The following FOXP1 variants were observed in gnomAD, a reference collection of about 807,000 sequenced individuals.
FOXP1 encodes the protein forkhead box protein P1.
Under a neutral mutation model 98.2 loss-of-function variants are expected in FOXP1, and 15 were observed. That is an observed-to-expected ratio of 0.15 (90% CI 0.10 to 0.24). FOXP1 has a LOEUF of 0.24. Among genes scored for constraint, FOXP1 ranks in the 10% least tolerant of loss-of-function variants. FOXP1 has a pLI of 1.00. For missense variants in FOXP1, 633 were observed against 848.5 expected, an observed-to-expected ratio of 0.75 and a Z score of 3.15; for synonymous variants, 371 against 314.5, an observed-to-expected ratio of 1.18 and a Z score of -1.90.
Position 71,390,598 on chromosome 3 carries a change from G to T in FOXP1, c.-167-31354C>A, listed in dbSNP as rs1019594872. Among the ~76,000 whole-genome samples the T allele has an allele frequency of 4.7e-5, 7 of 150,198 alleles. 1 individual carries two copies. The highest frequency in any genetic ancestry group is 1.3e-4 in the Admixed American group (2 of 15,040). On this transcript the variant is annotated intron_variant, in intron 3 of 20. Transcript: ENST00000649528. Reference sequence around the variant, plus strand: ...GTGGTGGGGAGGGGGGTTGGGGGGGGCAGTCAAGAATTCTATAGGAAGAGA... The same window carrying T: ...GTGGTGGGGAGGGGGGTTGGGGGGGTCAGTCAAGAATTCTATAGGAAGAGA...
At chr3:71,280,126 C>CAAAAAAAAAAA (rs56674677) in intron 5 of FOXP1, among the ~76,000 whole-genome samples, 4 of 106,198 alleles carry the variant, frequency 3.8e-5, no homozygotes, top group African/African-American at 7.0e-5. Flanking sequence ...CTGTCTCAAA[C>CAAAAAAAAAAA]AAAAAAAAAA....
chr3:71,466,913 TTTTG>T (rs2088817044), intron 3 of FOXP1, among the ~76,000 whole-genome samples: 1 of 152,148 alleles, frequency 6.6e-6, no homozygotes, highest in Non-Finnish European at 1.5e-5. Flanking sequence ...CTTGGATACG[TTTTG>T]TTTGTCTTTA....
intron 6 of FOXP1, among the ~76,000 whole-genome samples, chr3:71,134,664 C>T (rs2059732432): frequency 6.6e-6 from 1 of 152,176 alleles, no homozygotes; most frequent in Non-Finnish European, 1.5e-5. Context: ...AACAGAGAAG[C>T]ACGAAATAGC....
intron 2 of FOXP1, among the ~76,000 whole-genome samples, chr3:71,566,517 T>G (rs2046925634): frequency 6.6e-6 from 1 of 152,180 alleles, no homozygotes; most frequent in South Asian, 2.1e-4. Flanking sequence ...GTCCCTGTAG[T>G]GTGAAAATTA....
At chr3:71,117,706 A>C (rs1489636669) in intron 6 of FOXP1, among the ~76,000 whole-genome samples, 1 of 152,202 alleles carries the variant, frequency 6.6e-6, no homozygotes, top group Non-Finnish European at 1.5e-5. Flanking sequence ...TAAATAACTT[A>C]AAAGGTCCAA....
chr3:71,047,167 A>T (rs2049134549), intron 9 of FOXP1, 72 bp from the exon 10 acceptor site: 1 of 1,541,462 alleles, frequency 6.5e-7, no homozygotes. Flanking sequence ...ACACTTCAAA[A>T]CTCACCATCA....
intron 2 of FOXP1, among the ~76,000 whole-genome samples, chr3:71,499,175 G>C (rs1007151075): frequency 5.9e-5 from 9 of 152,132 alleles, no homozygotes; most frequent in Admixed American, 1.3e-4. Context: ...CATTTCTCTA[G>C]TTCTGAGTCC....
chr3:71,083,201 A>G (rs1171205698), intron 7 of FOXP1, among the ~76,000 whole-genome samples: 1 of 152,108 alleles, frequency 6.6e-6, no homozygotes, highest in Non-Finnish European at 1.5e-5. Flanking sequence ...TGTCCTCGTG[A>G]CAGTGAGTTC....
intron 2 of FOXP1, among the ~76,000 whole-genome samples, chr3:71,566,190 G>A (rs750230983): frequency 6.6e-6 from 1 of 152,214 alleles, no homozygotes; most frequent in Non-Finnish European, 1.5e-5. Context: ...TATGATCACG[G>A]TAGGGAGTGA....
chr3:71,288,574 G>A (rs1036269080), intron 5 of FOXP1, among the ~76,000 whole-genome samples: 2 of 152,110 alleles, frequency 1.3e-5, no homozygotes, highest in Admixed American at 6.6e-5. Context: ...GATTACAATC[G>A]ACATATTCTA....
At chr3:71,503,743 A>G (rs554194474) in intron 2 of FOXP1, among the ~76,000 whole-genome samples, 1 of 152,244 alleles carries the variant, frequency 6.6e-6, no homozygotes, top group Admixed American at 6.5e-5. Flanking sequence ...GGAAGCCTGT[A>G]TGGAGCCTCA....
chr3:71,576,328 CT>C (rs1381397996), intron 2 of FOXP1, among the ~76,000 whole-genome samples: 4 of 151,780 alleles, frequency 2.6e-5, no homozygotes, highest in Non-Finnish European at 5.9e-5. Flanking sequence ...ATTCATATTC[CT>C]TTTTAAAAAA....
rs941837169 is a variant in FOXP1, at chr3:71,031,229, G to A, written c.869+10099C>T. On this transcript the variant is annotated intron_variant, in intron 11 of 20. Transcript: ENST00000649528. ...CTTCAAAGACATATCTCAAAGTACTGTAAAAAAAGCAATGGAGAGAAAGAG... is the reference window on the plus strand; with the variant it reads ...CTTCAAAGACATATCTCAAAGTACTATAAAAAAAGCAATGGAGAGAAAGAG... Among the ~76,000 whole-genome samples the A allele has an allele frequency of 2.0e-5, 3 of 152,100 alleles. No individual in the cohort carries two copies. In the East Asian group the frequency reaches 5.8e-4, roughly 29 times the overall value.
chr3:71,346,816 C>G (rs1408952606), intron 4 of FOXP1, among the ~76,000 whole-genome samples: 1 of 151,962 alleles, frequency 6.6e-6, no homozygotes, highest in Non-Finnish European at 1.5e-5. Context: ...GAGGCCGAGG[C>G]GGGTGGATCA....
At chr3:71,466,211 T>A (rs2088716310) in intron 3 of FOXP1, among the ~76,000 whole-genome samples, 1 of 152,168 alleles carries the variant, frequency 6.6e-6, no homozygotes, top group African/African-American at 2.4e-5. Flanking sequence ...TCTCCACCAC[T>A]GACTGCTGCT....
At chr3:71,068,196 G>A (rs2052787214) in intron 7 of FOXP1, among the ~76,000 whole-genome samples, 1 of 152,148 alleles carries the variant, frequency 6.6e-6, no homozygotes, top group Non-Finnish European at 1.5e-5. Context: ...GTTGCTAAAT[G>A]AGTCCATTGT....
At chr3:70,988,662 C>A (rs2040139951) in intron 13 of FOXP1, among the ~76,000 whole-genome samples, 1 of 152,168 alleles carries the variant, frequency 6.6e-6, no homozygotes. Context: ...ATGTGCTAGT[C>A]TCATCTTAAT....
At chr3:71,156,763 G>C (rs1333516498) in intron 6 of FOXP1, among the ~76,000 whole-genome samples, 1 of 152,036 alleles carries the variant, frequency 6.6e-6, no homozygotes, top group African/African-American at 2.4e-5. Context: ...TTTTGAAATG[G>C]GCAAAAAAGA....
At chr3:71,232,880 A>AAC (rs1560156910) in intron 5 of FOXP1, among the ~76,000 whole-genome samples, 1 of 143,928 alleles carries the variant, frequency 6.9e-6, no homozygotes. Context: ...TCTGTCTCAA[A>AAC]AAAAAAAAAA....
Sources: allele counts gnomAD v4.1 joint callset (sites outside exome capture counted in the v4.1 genomes callset), GRCh38; gene constraint gnomAD v4.1.1; transcripts MANE v1.5; gene names NCBI Gene and HGNC (gene_info 2026-07-23, HGNC 2026-07-21).